Variants in DMXL2 observed in about 807,000 individuals in gnomAD.
DMXL2 encodes dmX-like protein 2.
Under a neutral mutation model 331.1 loss-of-function variants are expected in DMXL2, and 103 were observed. That is an observed-to-expected ratio of 0.31 (90% confidence interval 0.27 to 0.37). The LOEUF is 0.37. Ranked by LOEUF, DMXL2 falls within the 10% of genes least tolerant of loss-of-function variation. DMXL2 has a pLI of 1.00. For missense variants in DMXL2, 3,171 were observed against 3,642.9 expected, an observed-to-expected ratio of 0.87 and a Z score of 3.33; for synonymous variants, 1,281 against 1,252.1, an observed-to-expected ratio of 1.02 and a Z score of -0.49.
intron 2 of DMXL2, among the ~76,000 whole-genome samples, chr15:51,572,835 A>T (rs1460966699): frequency 6.6e-6 from 1 of 152,220 alleles, no homozygotes. Context: ...TATCATACTA[A>T]ATGGGCAAAA....
chr15:51,461,516 T>C (rs2040121221), intron 33 of DMXL2, among the ~76,000 whole-genome samples: 1 of 152,230 alleles, frequency 6.6e-6, no homozygotes, highest in African/African-American at 2.4e-5. Context: ...CTCAATGAAC[T>C]GGTTTTCTGT....
chr15:51,569,867 A>G (rs2050544624), intron 2 of DMXL2, among the ~76,000 whole-genome samples: 1 of 152,130 alleles, frequency 6.6e-6, no homozygotes, highest in African/African-American at 2.4e-5. Context: ...AATTCCCAAA[A>G]CCAGAACACC....
chr15:51,549,319 G>GGT (rs1407054690), intron 6 of DMXL2, among the ~76,000 whole-genome samples: 2 of 110,742 alleles, frequency 1.8e-5, no homozygotes, highest in East Asian at 4.9e-4. Context: ...AGCATTCCAT[G>GGT]GTGTGTATAT....
Position 51,451,688 on chromosome 15 carries a change from G to A in DMXL2, c.8706C>T (p.Cys2902=). The A allele has an allele frequency of 6.2e-7, 1 of 1,612,732 alleles. No homozygotes were observed. The highest frequency in any genetic ancestry group is 8.5e-7 in the Non-Finnish European group (1 of 1,179,204). The change falls in exon 42 of 44, where the codon TGC becomes TGT. Residue 2902 remains cysteine, a synonymous_variant. Transcript: ENST00000560891. ...CGGGTGATATTAATGTGTCCCAGAGGCAAACATTTCTTTTAAAGAAACACA... is the reference window on the plus strand; with the variant it reads ...CGGGTGATATTAATGTGTCCCAGAGACAAACATTTCTTTTAAAGAAACACA... The part of the protein sequence containing the change: ...SGHSNDNRNV[C]LWDTLISPGN...
At chr15:51,580,649 A>G (rs1284100111) in intron 1 of DMXL2, among the ~76,000 whole-genome samples, 1 of 152,180 alleles carries the variant, frequency 6.6e-6, no homozygotes, top group African/African-American at 2.4e-5. Context: ...AGAAAAGAGG[A>G]AGAGTCTTAG....
chr15:51,495,301 C>CA (rs998227127), intron 18 of DMXL2, among the ~76,000 whole-genome samples, 167 bp from the exon 19 acceptor site: 12 of 148,884 alleles, frequency 8.1e-5, no homozygotes, highest in African/African-American at 1.5e-4. Context: ...ATTATCTTTA[C>CA]AAAAAAAAAT....
intron 6 of DMXL2, among the ~76,000 whole-genome samples, chr15:51,553,973 G>A (rs1402341473): frequency 1.3e-5 from 2 of 152,126 alleles, no homozygotes; most frequent in East Asian, 3.8e-4. Flanking sequence ...CTGCCATGTT[G>A]TTCAAGGGTT....
chr15:51,618,567 T>C (rs895010989), intron 1 of DMXL2, among the ~76,000 whole-genome samples: 1 of 152,126 alleles, frequency 6.6e-6, no homozygotes, highest in Non-Finnish European at 1.5e-5. Flanking sequence ...AAAAAAAAAA[T>C]TGAATGTCAG....
At chr15:51,509,931 C>T (rs1418088032) in intron 15 of DMXL2, among the ~76,000 whole-genome samples, 2 of 152,040 alleles carry the variant, frequency 1.3e-5, no homozygotes, top group African/African-American at 2.4e-5. Flanking sequence ...TACTCCATCA[C>T]GTAAACAGAA....
intron 20 of DMXL2, 52 bp from the exon 21 acceptor site, chr15:51,488,697 CAATT>C: frequency 6.9e-7 from 1 of 1,445,068 alleles, no homozygotes; most frequent in Non-Finnish European, 9.6e-7. Context: ...GAATTACAAT[CAATT>C]AATCAACAAT....
rs139069859 is a variant in DMXL2, at chr15:51,552,796, C to T, written c.568-5388G>A. On this transcript the variant is annotated intron_variant, in intron 6 of 43. Coordinates refer to ENST00000560891, the MANE Select transcript of DMXL2 (RefSeq NM_001378457.1). ...CATCCAGACCCATAACTTTAAACAC[C>T]GCCTTTGGCTAAAGAATTCAAATTG... Among the ~76,000 whole-genome samples, 9 of 152,278 alleles carry T rather than the reference C, an allele frequency of 5.9e-5. No individual in the cohort carries two copies. The East Asian group carries it at 7.7e-4, about 13-fold the overall frequency.
In DMXL2 at chr15:51,553,691, C is replaced by T. The variant is rs78822504; in HGVS notation, c.568-6283G>A. Among the ~76,000 whole-genome samples, 968 of 151,630 alleles carry T rather than the reference C, an allele frequency of 6.4e-3. 17 individuals are homozygous for T. The highest frequency in any genetic ancestry group is 0.022 in the African/African-American group (926 of 41,324). Reference sequence around the variant, plus strand: ...TGACCATCTACATCCACTTAATGAACGGTTAATTTATTTTCTCTTCCTTAA... The same window carrying T: ...TGACCATCTACATCCACTTAATGAATGGTTAATTTATTTTCTCTTCCTTAA... On this transcript the variant is annotated intron_variant, in intron 6 of 43. Coordinates refer to ENST00000560891, the MANE Select transcript of DMXL2 (RefSeq NM_001378457.1).
chr15:51,598,448 A>G (rs964235657), intron 1 of DMXL2, among the ~76,000 whole-genome samples: 3 of 152,206 alleles, frequency 2.0e-5, no homozygotes, highest in Non-Finnish European at 4.4e-5. Flanking sequence ...ATACTGATAA[A>G]ATACTATTAT....
intron 1 of DMXL2, among the ~76,000 whole-genome samples, chr15:51,593,161 A>G (rs2052525227): frequency 6.6e-6 from 1 of 152,260 alleles, no homozygotes; most frequent in Non-Finnish European, 1.5e-5. Flanking sequence ...TGCTGTATTC[A>G]GGAAACCCAT....
intron 6 of DMXL2, among the ~76,000 whole-genome samples, chr15:51,550,186 C>T (rs1322927762): frequency 6.6e-6 from 1 of 152,090 alleles, no homozygotes; most frequent in Non-Finnish European, 1.5e-5. Context: ...AAATGATCAT[C>T]TCAACAGATG....
In DMXL2 at chr15:51,565,132, A is replaced by G; in HGVS notation, c.320T>C (p.Phe107Ser). 6.3e-7 allele frequency: 1 copy of G among 1,586,490 alleles called. No individual in the cohort carries two copies. Among genetic ancestry groups the G allele is most frequent in the Non-Finnish European group, 8.6e-7 (1 of 1,168,282 alleles). ...LKCQWLKTGQ[F>S]FLSSVTYNLA... ...GTTGTATGTCACAGAACTCAAAAAAAACTGCCCAGTTTTAAGCCACTGGCA... is the reference window on the plus strand; with the variant it reads ...GTTGTATGTCACAGAACTCAAAAAAGACTGCCCAGTTTTAAGCCACTGGCA... Residue 107 changes from phenylalanine (F) to serine (S), a missense_variant, in exon 4 of 44, where the codon TTT becomes TCT. By Grantham distance (155) the Phe-to-Ser change is radical. Coordinates refer to ENST00000560891, the MANE Select transcript of DMXL2 (RefSeq NM_001378457.1).
intron 1 of DMXL2, among the ~76,000 whole-genome samples, chr15:51,591,366 G>A (rs1281830063): frequency 6.6e-6 from 1 of 152,198 alleles, no homozygotes; most frequent in African/African-American, 2.4e-5. Context: ...AAACTGCAAG[G>A]TGGCAGTGCG....
chr15:51,564,276 T>C lies in DMXL2; in HGVS notation c.365-16A>G, dbSNP rs1254314974. On this transcript the variant is annotated splice_polypyrimidine_tract_variant and intron_variant, in intron 4 of 43. Coordinates refer to ENST00000560891, the MANE Select transcript of DMXL2 (RefSeq NM_001378457.1). ...AATCTATTATCTGAAAATTAAAGAA[T>C]GTTATGATGAATATGCAAATATTAT... The C allele has an allele frequency of 3.2e-6, 5 of 1,554,694 alleles. No homozygotes were observed. The highest frequency in any genetic ancestry group is 4.3e-6 in the Non-Finnish European group (5 of 1,153,102).
chr15:51,450,661 T>C (rs2039052136), intron 42 of DMXL2: 2 of 353,570 alleles, frequency 5.7e-6, no homozygotes, highest in South Asian at 2.5e-5. Flanking sequence ...CTTCTCAAAG[T>C]TGGTGAGTAT....
Sources: allele counts gnomAD v4.1 joint callset (sites outside exome capture counted in the v4.1 genomes callset), GRCh38; gene constraint gnomAD v4.1.1; transcripts MANE v1.5; gene names NCBI Gene and HGNC (gene_info 2026-07-23, HGNC 2026-07-21).